QRFP: variants seen among roughly 807,000 people sequenced by gnomAD.
QRFP encodes orexigenic neuropeptide QRFP.
A neutral mutation model predicts 9.1 loss-of-function variants in QRFP; 7 were observed. The ratio of observed to expected loss-of-function variants is 0.77; its 90% CI spans 0.44 to 1.45. The LOEUF is 1.45. QRFP is among the 40% of genes most tolerant of loss of function. The pLI is 0.01. For synonymous variants in QRFP, 91 were observed against 80.2 expected (o/e 1.13, Z -0.72); for missense variants, 204 against 185.4 (o/e 1.10, Z -0.58).
chr9:130,893,564 T>C lies in QRFP; in HGVS notation c.275A>G (p.Asp92Gly). The C allele has an allele frequency of 6.2e-7, 1 of 1,612,780 alleles. No individual in the cohort carries two copies. Among genetic ancestry groups the C allele is most frequent in the Non-Finnish European group, 8.5e-7 (1 of 1,179,798 alleles). Residue 92 changes from aspartate (D) to glycine (G), a missense_variant, in exon 3 of 3, where the codon GAC becomes GGC. By Grantham distance (94) the Asp-to-Gly change is moderately conservative (BLOSUM62 -1). Coordinates refer to ENST00000623824, the MANE Select transcript of QRFP (RefSeq NM_198180.3). ...GAAGCCGGTGGCCTCACTGCCTTCG[T>C]CCTGCCTCCCGAAGCGGAATCTGCA... Reference protein sequence around the residue: ...AGCRFRFGRQDEGSEATGFLP... With the variant: ...AGCRFRFGRQGEGSEATGFLP...
At chr9:130,895,494 G>A (rs753587427) in intron 2 of QRFP, among the ~76,000 whole-genome samples, 4 of 152,254 alleles carry the variant, frequency 2.6e-5, no homozygotes, top group East Asian at 1.9e-4. Context: ...GGAAAAGCAC[G>A]GGTGAGGCTG....
chr9:130,895,309 C>T (rs1831741170), intron 2 of QRFP, among the ~76,000 whole-genome samples: 1 of 152,184 alleles, frequency 6.6e-6, no homozygotes, highest in African/African-American at 2.4e-5. Context: ...CGGGAGTGGC[C>T]TCTGGGTGTC....
At position 130,893,729 on chromosome 9, in the gene QRFP, C is replaced by T. The variant is rs778756818; in HGVS notation, c.110G>A (p.Gly37Glu). The T allele has an allele frequency of 2.3e-5, 37 of 1,610,374 alleles. No homozygotes were observed. The highest frequency in any genetic ancestry group is 3.1e-5 in the Non-Finnish European group (36 of 1,178,358). The stretch of plus-strand genomic sequence containing the variant: ...CATGGCCAGGTCGGCCCAGCGTTCT[C>T]CAGCTCCGAGGCCACCCATGGCGTC... Reference protein sequence around the residue: ...PTDAMGGLGAGERWADLAMGP... With the variant: ...PTDAMGGLGAEERWADLAMGP... The change falls in exon 3 of 3, where the codon GGA becomes GAA. Residue 37 changes from glycine to glutamate, a missense_variant. By Grantham distance (98) the Gly-to-Glu change is moderately conservative (BLOSUM62 -2). Coordinates refer to ENST00000623824, the MANE Select transcript of QRFP (RefSeq NM_198180.3).
Position 130,893,247 on chromosome 9 carries a change from G to A in QRFP, c.*181C>T, listed in dbSNP as rs80127138. The A allele has an allele frequency of 6.3e-3, 3,707 of 588,636 alleles. 87 individuals are homozygous for A. Among genetic ancestry groups the A allele is most frequent in the African/African-American group, 0.061 (3,203 of 52,298 alleles). 36.5% of individuals were successfully genotyped at this position (588,636 alleles called of 1,614,324 possible). On this transcript the variant is annotated 3_prime_UTR_variant, in exon 3 of 3. Transcript: ENST00000623824. ...CCTTTTTGACACTGCCTAGTTTTTC[G>A]CTTCAGCAAAGTTGGAAATCAAAAG... is the stretch of plus-strand genomic sequence containing the variant.
At chr9:130,894,640 C>T (rs1009874142) in intron 2 of QRFP, among the ~76,000 whole-genome samples, 7 of 152,176 alleles carry the variant, frequency 4.6e-5, no homozygotes, top group African/African-American at 1.7e-4. Flanking sequence ...ACTCCCAACC[C>T]TCCTATTTCA....
intron 2 of QRFP, 142 bp from the exon 3 acceptor site, chr9:130,893,980 ACT>A: frequency 1.5e-6 from 1 of 674,116 alleles, no homozygotes; most frequent in Non-Finnish European, 2.3e-6. Context: ...CAGTGCTGGG[ACT>A]AGGCCACTGT....
chr9:130,893,488 C>A lies in QRFP; in HGVS notation c.351G>T (p.Glu117Asp), dbSNP rs1243883465. 2.5e-6 allele frequency: 4 copies of A among 1,609,030 alleles called. No homozygotes were observed. The Admixed American group carries it at 6.7e-5, about 27-fold the overall frequency. ...TCTTCCTGCTGTAGCCATTGAGCTCCTCAGCCAGGTTCCCTAACGGGCCGC... is the reference window on the plus strand; with the variant it reads ...TCTTCCTGCTGTAGCCATTGAGCTCATCAGCCAGGTTCCCTAACGGGCCGC... ...KTSGPLGNLAEELNGYSRKKG... is the reference protein window; with the variant it reads ...KTSGPLGNLADELNGYSRKKG... Residue 117 changes from glutamate to aspartate, a missense_variant, in exon 3 of 3, where the codon GAG (glutamate) becomes GAT (aspartate). Coordinates refer to ENST00000623824, the MANE Select transcript of QRFP (RefSeq NM_198180.3).
Position 130,893,464 on chromosome 9 carries a change from C to T in QRFP, c.375G>A (p.Lys125=). ...CGAAGCGGAAGCTGAAGCCGCCTTT[C>T]TTCCTGCTGTAGCCATTGAGCTCCT... ...LAEELNGYSR[K]KGGFSFRFGR... The change falls in exon 3 of 3, where the codon AAG becomes AAA. Residue 125 remains lysine, a synonymous_variant. Transcript: ENST00000623824. The T allele has an allele frequency of 6.3e-7, 1 of 1,591,188 alleles. No individual in the cohort carries two copies. The highest frequency in any genetic ancestry group is 2.3e-5 in the East Asian group (1 of 44,294).
At position 130,893,751 on chromosome 9, in the gene QRFP, C is replaced by T. The variant is rs540557943; in HGVS notation, c.88G>A (p.Ala30Thr). 5.6e-6 allele frequency: 9 copies of T among 1,608,460 alleles called. No homozygotes were observed. The highest frequency in any genetic ancestry group is 2.2e-5 in the South Asian group (2 of 90,770). Residue 30 changes from alanine to threonine, a missense_variant, in exon 3 of 3, where the codon GCC becomes ACC. Transcript: ENST00000623824. ...PLLDRREPTD[A>T]MGGLGAGERW... Reference sequence around the variant, plus strand: ...TCTCCAGCTCCGAGGCCACCCATGGCGTCTGTGGGCTCTCTTCTGTCCAGT... The same window carrying T: ...TCTCCAGCTCCGAGGCCACCCATGGTGTCTGTGGGCTCTCTTCTGTCCAGT...
intron 2 of QRFP, among the ~76,000 whole-genome samples, chr9:130,894,261 A>G (rs759029076): frequency 2.8e-4 from 42 of 152,232 alleles, no homozygotes; most frequent in South Asian, 2.1e-3. Context: ...GGGTCTAGCT[A>G]TGCTGTTTAG....
chr9:130,893,551 C>A lies in QRFP; in HGVS notation c.288G>T (p.Glu96Asp), dbSNP rs761902474. 1 of 1,613,034 alleles carries A rather than the reference C, an allele frequency of 6.2e-7. No individual in the cohort carries two copies. The highest frequency in any genetic ancestry group is 8.5e-7 in the Non-Finnish European group (1 of 1,179,880). ...FRFGRQDEGSEATGFLPAAGE... is the reference protein window; with the variant it reads ...FRFGRQDEGSDATGFLPAAGE... Reference sequence around the variant, plus strand: ...CCGCAGCAGGGAGGAAGCCGGTGGCCTCACTGCCTTCGTCCTGCCTCCCGA... The same window carrying A: ...CCGCAGCAGGGAGGAAGCCGGTGGCATCACTGCCTTCGTCCTGCCTCCCGA... Residue 96 changes from glutamate to aspartate, a missense_variant, in exon 3 of 3, where the codon GAG (glutamate) becomes GAT (aspartate). Physicochemically the swap from Glu to Asp is conservative, Grantham distance 45 (BLOSUM62 2). Coordinates refer to ENST00000623824, the MANE Select transcript of QRFP (RefSeq NM_198180.3).
At position 130,893,293 on chromosome 9, in the gene QRFP, C is replaced by T. The variant is rs1053534055; in HGVS notation, c.*135G>A. 41 of 992,400 alleles carry T rather than the reference C, an allele frequency of 4.1e-5. No individual in the cohort carries two copies. In the African/African-American group the frequency reaches 6.2e-4, roughly 15 times the overall value. 61.5% of individuals were successfully genotyped at this position (992,400 alleles called of 1,614,324 possible). On this transcript the variant is annotated 3_prime_UTR_variant, in exon 3 of 3. Transcript: ENST00000623824. ...AAAAGTAAGCACACACCTAACCTGT[C>T]CTACCATGGATCGTTCATCGTAACC...
chr9:130,895,529 G>A (rs1025299572), intron 2 of QRFP, among the ~76,000 whole-genome samples, 168 bp downstream of exon 2: 2 of 152,358 alleles, frequency 1.3e-5, no homozygotes, highest in East Asian at 1.9e-4. Context: ...CAGGGCAGCC[G>A]TGACCAATCT....
intron 2 of QRFP, among the ~76,000 whole-genome samples, chr9:130,894,442 CAT>C (rs547928565): frequency 2.2e-4 from 34 of 152,294 alleles, no homozygotes; most frequent in Non-Finnish European, 4.3e-4. Flanking sequence ...AGAGCTCACA[CAT>C]GTGATTGTAC....
At position 130,893,563 on chromosome 9, in the gene QRFP, G is replaced by A. The variant is rs754239388; in HGVS notation, c.276C>T (p.Asp92=). ...GGAAGCCGGTGGCCTCACTGCCTTC[G>A]TCCTGCCTCCCGAAGCGGAATCTGC... ...AGCRFRFGRQ[D]EGSEATGFLP... The change falls in exon 3 of 3, where the codon GAC becomes GAT. Residue 92 remains aspartate, a synonymous_variant. Transcript: ENST00000623824. 44 of 1,612,682 alleles carry A rather than the reference G, an allele frequency of 2.7e-5. No individual in the cohort carries two copies. Among genetic ancestry groups the A allele is most frequent in the South Asian group, 2.2e-4 (20 of 91,018 alleles).
At chr9:130,896,397 C>T (rs1350798215) in intron 1 of QRFP, among the ~76,000 whole-genome samples, 180 bp downstream of exon 1, 1 of 152,190 alleles carries the variant, frequency 6.6e-6, no homozygotes, top group Non-Finnish European at 1.5e-5. Context: ...CCCCTACTGT[C>T]ACCGAGGGTC....
In QRFP at chr9:130,893,613, T is replaced by G; in HGVS notation, c.226A>C (p.Thr76Pro). Residue 76 changes from threonine (T) to proline (P), a missense_variant, in exon 3 of 3, where the codon ACA becomes CCA. Coordinates refer to ENST00000623824, the MANE Select transcript of QRFP (RefSeq NM_198180.3). ...ALLVIARGLQ[T>P]SGREHAGCRF... ...CAGCCAGCATGCTCTCTGCCCGATGTCTGCAGCCCCCTGGCTATGACAAGC... is the reference window on the plus strand; with the variant it reads ...CAGCCAGCATGCTCTCTGCCCGATGGCTGCAGCCCCCTGGCTATGACAAGC... 6.2e-7 allele frequency: 1 copy of G among 1,611,068 alleles called. No individual in the cohort carries two copies. Among genetic ancestry groups the G allele is most frequent in the Non-Finnish European group, 8.5e-7 (1 of 1,178,532 alleles).
Position 130,893,027 on chromosome 9 carries a change from C to T in QRFP, c.*401G>A, listed in dbSNP as rs942038263. The stretch of plus-strand genomic sequence containing the variant: ...CACTCATTTGCACTCTGATGTCAGC[C>T]GCAGTCGTGCCTATAGAGACTGTCA... On this transcript the variant is annotated 3_prime_UTR_variant, in exon 3 of 3. Coordinates refer to ENST00000623824, the MANE Select transcript of QRFP (RefSeq NM_198180.3). 8 of 163,334 alleles carry T rather than the reference C, an allele frequency of 4.9e-5. No homozygotes were observed. The highest frequency in any genetic ancestry group is 9.6e-5 in the African/African-American group (4 of 41,862). 10.1% of individuals were successfully genotyped at this position (163,334 alleles called of 1,614,324 possible). A position where few individuals can be genotyped will look rare whatever the true frequency, so the allele number is the denominator to read the frequency against.
At position 130,893,692 on chromosome 9, in the gene QRFP, G is replaced by T; in HGVS notation, c.147C>A (p.Pro49=). ...RWADLAMGPR[P]HSVWGSSRWL... Reference sequence around the variant, plus strand: ...ACCGAGAGGAACCCCACACGGAGTGGGGTCGGGGCCCCATGGCCAGGTCGG... The same window carrying T: ...ACCGAGAGGAACCCCACACGGAGTGTGGTCGGGGCCCCATGGCCAGGTCGG... Residue 49 remains proline, a synonymous_variant, in exon 3 of 3, where the codon CCC becomes CCA. Coordinates refer to ENST00000623824, the MANE Select transcript of QRFP (RefSeq NM_198180.3). 1.9e-6 allele frequency: 3 copies of T among 1,608,786 alleles called. No homozygotes were observed. Among genetic ancestry groups the T allele is most frequent in the Non-Finnish European group, 2.5e-6 (3 of 1,177,630 alleles).
Sources: allele counts gnomAD v4.1 joint callset (sites outside exome capture counted in the v4.1 genomes callset), GRCh38; gene constraint gnomAD v4.1.1; transcripts MANE v1.5; gene names NCBI Gene and HGNC (gene_info 2026-07-23, HGNC 2026-07-21).